The following HPSE2 variants were observed in gnomAD, a reference collection of about 807,000 sequenced individuals.
HPSE2 encodes the protein inactive heparanase-2.
Under a neutral mutation model 60.5 loss-of-function variants are expected in HPSE2, and 38 were observed. That is an observed-to-expected ratio of 0.63 (90% confidence interval 0.48 to 0.82). HPSE2 has a LOEUF of 0.82. Among genes scored for constraint, HPSE2 ranks in the 40% least tolerant of loss-of-function variants. HPSE2 has a pLI of 0.00. For synonymous variants in HPSE2, 295 were observed against 293.2 expected (o/e 1.01, Z -0.06); for missense variants, 713 against 740.4 (o/e 0.96, Z 0.43).
intron 3 of HPSE2, among the ~76,000 whole-genome samples, chr10:98,789,565 T>C (rs938782371): frequency 6.6e-6 from 1 of 152,176 alleles, no homozygotes; most frequent in Non-Finnish European, 1.5e-5. Flanking sequence ...TAGACCCAAA[T>C]AGTTGGACCT....
chr10:99,057,018 T>C (rs1163609888), intron 3 of HPSE2, among the ~76,000 whole-genome samples: 1 of 152,092 alleles, frequency 6.6e-6, no homozygotes, highest in Non-Finnish European at 1.5e-5. Flanking sequence ...ACAGGTGAAA[T>C]AATCTATAGT....
At chr10:98,468,150 A>C (rs1375509507) in intron 11 of HPSE2, among the ~76,000 whole-genome samples, 1 of 152,198 alleles carries the variant, frequency 6.6e-6, no homozygotes, top group African/African-American at 2.4e-5. Flanking sequence ...AGGCCCAGTC[A>C]GGTTTGAGGA....
intron 3 of HPSE2, among the ~76,000 whole-genome samples, chr10:98,994,474 C>T (rs906098552): frequency 6.6e-6 from 1 of 152,086 alleles, no homozygotes; most frequent in African/African-American, 2.4e-5. Context: ...TGGGACCCTT[C>T]CCAAACAGGC....
At chr10:98,812,603 T>C (rs1305640878) in intron 3 of HPSE2, among the ~76,000 whole-genome samples, 1 of 152,190 alleles carries the variant, frequency 6.6e-6, no homozygotes, top group Non-Finnish European at 1.5e-5. Context: ...TTAAAAAAGA[T>C]AAATTTAATT....
chr10:98,577,788 C>T (rs1944683159), intron 9 of HPSE2, among the ~76,000 whole-genome samples: 1 of 152,152 alleles, frequency 6.6e-6, no homozygotes. Flanking sequence ...GCCCTGTTGC[C>T]TCCTGCTGGG....
At chr10:99,111,056 T>A (rs1487152889) in intron 3 of HPSE2, among the ~76,000 whole-genome samples, 1 of 152,132 alleles carries the variant, frequency 6.6e-6, no homozygotes, top group African/African-American at 2.4e-5. Flanking sequence ...TCTGGTGCCA[T>A]GTGTCAAAAA....
chr10:99,247,694 T>A, the HPSE2 span, among the ~76,000 whole-genome samples: 1 of 151,516 alleles, frequency 6.6e-6, no homozygotes, highest in African/African-American at 2.4e-5. Flanking sequence ...AAGTAAAGAG[T>A]TGGTGATATG....
At chr10:98,517,737 G>T (rs1005458525) in intron 9 of HPSE2, among the ~76,000 whole-genome samples, 3 of 152,182 alleles carry the variant, frequency 2.0e-5, no homozygotes, top group Admixed American at 1.3e-4. Context: ...AAAGCATGGC[G>T]TTTGGAGTCA....
chr10:98,565,462 T>C (rs188819078), intron 9 of HPSE2, among the ~76,000 whole-genome samples: 1 of 152,336 alleles, frequency 6.6e-6, no homozygotes, highest in East Asian at 1.9e-4. Flanking sequence ...TTGCTGAGGA[T>C]GATGGCTTCC....
At chr10:98,489,486 T>A (rs1941562686) in intron 10 of HPSE2, among the ~76,000 whole-genome samples, 2 of 152,230 alleles carry the variant, frequency 1.3e-5, no homozygotes, top group South Asian at 4.1e-4. Flanking sequence ...TCTTAATTTT[T>A]AAAATAGCTG....
intron 3 of HPSE2, among the ~76,000 whole-genome samples, chr10:99,050,435 C>T: frequency 6.6e-6 from 1 of 152,102 alleles, no homozygotes; most frequent in East Asian, 1.9e-4. Context: ...GGATATTCCT[C>T]TAAAAACTGA....
chr10:98,595,164 A>ATTTTTTT (rs34509249), intron 9 of HPSE2, among the ~76,000 whole-genome samples: 2 of 91,688 alleles, frequency 2.2e-5, no homozygotes, highest in Admixed American at 1.3e-4. Context: ...TATAAATGAG[A>ATTTTTTT]TTTTTTTTTT....
At position 98,910,670 on chromosome 10, in the gene HPSE2, C is replaced by T. The variant is rs563836517; in HGVS notation, c.611-166614G>A. On this transcript the variant is annotated intron_variant, in intron 3 of 11. Transcript: ENST00000370552. ...AGGAACAGTAATCTCTCAGTGTCAA[C>T]GTATTGCTTTGTAGCTTACAAAGTG... Among the ~76,000 whole-genome samples, 53 of 152,280 alleles carry T rather than the reference C, an allele frequency of 3.5e-4. 1 individual carries two copies. The South Asian group carries it at 0.011, about 31-fold the overall frequency.
chr10:99,163,810 C>A (rs553310725), intron 2 of HPSE2, among the ~76,000 whole-genome samples: 2 of 151,918 alleles, frequency 1.3e-5, no homozygotes, highest in Non-Finnish European at 2.9e-5. Context: ...AGGTACTCAT[C>A]AGTTTTAGGT....
At chr10:99,003,922 G>T (rs1257521292) in intron 3 of HPSE2, among the ~76,000 whole-genome samples, 1 of 152,024 alleles carries the variant, frequency 6.6e-6, no homozygotes, top group Non-Finnish European at 1.5e-5. Flanking sequence ...TAAAGTTTCA[G>T]ATTCTAAATT....
intron 3 of HPSE2, among the ~76,000 whole-genome samples, chr10:99,082,645 G>A (rs1025084906): frequency 1.8e-4 from 27 of 152,278 alleles, no homozygotes; most frequent in Middle Eastern, 6.8e-3. Context: ...CTCCAGGAGA[G>A]CTGAGATTTT....
chr10:98,925,213 T>C (rs1954417051), intron 3 of HPSE2, among the ~76,000 whole-genome samples: 2 of 152,220 alleles, frequency 1.3e-5, no homozygotes, highest in Non-Finnish European at 2.9e-5. Flanking sequence ...GATTGCACAC[T>C]TGATTGTTGG....
At chr10:98,975,673 T>C (rs555688740) in intron 3 of HPSE2, among the ~76,000 whole-genome samples, 66 of 152,304 alleles carry the variant, frequency 4.3e-4, no homozygotes, top group South Asian at 3.7e-3. Flanking sequence ...TCAGAGGTGT[T>C]TGAAACCCAG....
intron 3 of HPSE2, among the ~76,000 whole-genome samples, chr10:99,027,453 A>G (rs527769615): frequency 6.6e-6 from 1 of 152,270 alleles, no homozygotes; most frequent in Non-Finnish European, 1.5e-5. Context: ...AAATAACAAG[A>G]TCAAAGTTGT....
Sources: allele counts gnomAD v4.1 joint callset (sites outside exome capture counted in the v4.1 genomes callset), GRCh38; gene constraint gnomAD v4.1.1; transcripts MANE v1.5; gene names NCBI Gene and HGNC (gene_info 2026-07-23, HGNC 2026-07-21).